The following SHISA9 variants were observed in gnomAD, a reference collection of about 807,000 sequenced individuals.
The protein encoded by SHISA9 is protein shisa-9.
A neutral mutation model predicts 38.0 loss-of-function variants in SHISA9; 13 were observed. That is an observed-to-expected ratio of 0.34 (90% CI 0.22 to 0.54). SHISA9 has a LOEUF of 0.54. Ranked by LOEUF, SHISA9 falls within the 20% of genes least tolerant of loss-of-function variation. The probability of loss-of-function intolerance (pLI) is 0.91; values close to 1 mark genes in which losing one functional copy is unlikely to be tolerated. For missense variants in SHISA9, 538 were observed against 575.8 expected (o/e 0.93, Z 0.67); for synonymous variants, 275 against 242.0 (o/e 1.14, Z -1.27).
intron 2 of SHISA9, among the ~76,000 whole-genome samples, chr16:13,198,318 GCATACATATATACTTGTGTGTA>G: frequency 6.7e-6 from 1 of 149,288 alleles, no homozygotes; most frequent in Non-Finnish European, 1.5e-5. Flanking sequence ...GTGTGTATAT[GCATACATATATACTTGTGTGTA>G]TATGCATACA....
chr16:13,480,382 GTCACTCTTGGCCTCTCTTGAATAC>G, the SHISA9 span, among the ~76,000 whole-genome samples: 1 of 152,116 alleles, frequency 6.6e-6, no homozygotes, highest in Non-Finnish European at 1.5e-5. Flanking sequence ...CCAGGCCTCG[GTCACTCTTGGCCTCTCTTGAATAC>G]AGGAAATATT....
intron 2 of SHISA9, among the ~76,000 whole-genome samples, chr16:13,088,214 G>C (rs1409327988): frequency 1.3e-5 from 2 of 152,114 alleles, no homozygotes; most frequent in African/African-American, 4.8e-5. Flanking sequence ...ATGCTGTTTT[G>C]GTTACTGTGG....
intron 4 of SHISA9, among the ~76,000 whole-genome samples, chr16:13,224,283 C>T (rs1482587782): frequency 6.6e-6 from 1 of 152,194 alleles, no homozygotes; most frequent in Non-Finnish European, 1.5e-5. Flanking sequence ...TTCTACCTCC[C>T]TTCCCCCGAG....
At chr16:13,542,281 T>C in the SHISA9 span, among the ~76,000 whole-genome samples, 1 of 152,202 alleles carries the variant, frequency 6.6e-6, no homozygotes, top group African/African-American at 2.4e-5. Context: ...TTTGTGGTCA[T>C]TTATCACAGC....
chr16:13,457,965 C>T, the SHISA9 span, among the ~76,000 whole-genome samples: 31 of 151,898 alleles, frequency 2.0e-4, no homozygotes, highest in African/African-American at 6.8e-4. Context: ...TCCTTCCTTT[C>T]TTCCTCCCTT....
intron 2 of SHISA9, among the ~76,000 whole-genome samples, chr16:12,951,857 C>T (rs1465102858): frequency 6.6e-6 from 1 of 152,224 alleles, no homozygotes. Flanking sequence ...GTATGAAACA[C>T]TCCTGCCTCA....
chr16:13,031,335 T>G (rs960096638), intron 2 of SHISA9, among the ~76,000 whole-genome samples: 8 of 152,274 alleles, frequency 5.3e-5, no homozygotes, highest in African/African-American at 1.4e-4. Context: ...CTCTGTTGCC[T>G]TGACAATAGT....
intron 2 of SHISA9, among the ~76,000 whole-genome samples, chr16:13,020,642 C>T (rs569500361): frequency 5.5e-4 from 83 of 152,216 alleles, no homozygotes; most frequent in South Asian, 4.6e-3. Flanking sequence ...ACAGGGGACC[C>T]AATGTTTCCA....
the SHISA9 span, among the ~76,000 whole-genome samples, chr16:13,524,853 C>T: frequency 0.061 from 9,325 of 152,080 alleles, 502 homozygotes; most frequent in East Asian, 0.18. Context: ...TTCTTTATTA[C>T]GCAGAGTTGT....
chr16:13,403,313 C>G, the SHISA9 span, among the ~76,000 whole-genome samples: 1 of 152,194 alleles, frequency 6.6e-6, no homozygotes, highest in Admixed American at 6.5e-5. Flanking sequence ...TAAATTTGAA[C>G]AGCCTTTTAG....
chr16:13,102,541 G>A (rs2073888962), intron 2 of SHISA9, among the ~76,000 whole-genome samples: 1 of 152,158 alleles, frequency 6.6e-6, no homozygotes, highest in East Asian at 1.9e-4. Context: ...CCCATCTGAT[G>A]TCCTAATGTA....
At chr16:13,021,091 C>T (rs1312456505) in intron 2 of SHISA9, among the ~76,000 whole-genome samples, 4 of 152,128 alleles carry the variant, frequency 2.6e-5, no homozygotes, top group Non-Finnish European at 4.4e-5. Context: ...ACTTTATGGA[C>T]GGCAATAGCT....
chr16:12,963,799 T>C (rs2071942634), intron 2 of SHISA9, among the ~76,000 whole-genome samples: 1 of 152,166 alleles, frequency 6.6e-6, no homozygotes, highest in Non-Finnish European at 1.5e-5. Flanking sequence ...TTGAGTTGAG[T>C]TGTGAACGGC....
At chr16:13,019,956 T>TTCGTTCC (rs2072828226) in intron 2 of SHISA9, among the ~76,000 whole-genome samples, 1 of 60,120 alleles carries the variant, frequency 1.7e-5, no homozygotes, top group Non-Finnish European at 3.8e-5. Flanking sequence ...TCTTTCTTTC[T>TTCGTTCC]TTCCCTCCTT....
At chr16:13,335,759 G>T in the SHISA9 span, among the ~76,000 whole-genome samples, 1 of 152,088 alleles carries the variant, frequency 6.6e-6, no homozygotes, top group African/African-American at 2.4e-5. Context: ...GACCATTTTG[G>T]GGGGGATCGG....
At chr16:13,226,972 G>T (rs1018764238) in intron 4 of SHISA9, among the ~76,000 whole-genome samples, 6 of 152,192 alleles carry the variant, frequency 3.9e-5, no homozygotes, top group African/African-American at 1.4e-4. Context: ...GATGGTAAGA[G>T]CTGCAAAGTA....
chr16:13,413,783 AAAG>A, the SHISA9 span, among the ~76,000 whole-genome samples: 1 of 150,786 alleles, frequency 6.6e-6, no homozygotes, highest in Non-Finnish European at 1.5e-5. Flanking sequence ...AAAAAAAAAA[AAAG>A]ACATGTTGTT....
At chr16:13,032,830 C>G (rs1379948384) in intron 2 of SHISA9, among the ~76,000 whole-genome samples, 1 of 151,744 alleles carries the variant, frequency 6.6e-6, no homozygotes, top group Non-Finnish European at 1.5e-5. Context: ...CAACTGAATT[C>G]AGGGAAGTCA....
the SHISA9 span, among the ~76,000 whole-genome samples, chr16:13,329,836 A>T: frequency 2.3e-3 from 353 of 152,302 alleles, 2 homozygotes; most frequent in African/African-American, 8.0e-3. Context: ...TTCGGGTTCA[A>T]TTTCTTGACT....
Sources: gnomAD v4.1 joint callset for allele counts (sites outside exome capture counted in the v4.1 genomes callset) on GRCh38, gnomAD v4.1.1 for gene constraint, MANE v1.5 for transcripts, NCBI Gene and HGNC (gene_info 2026-07-23, HGNC 2026-07-21) for gene names.